LMO3: variants seen among roughly 807,000 people sequenced by gnomAD.
LMO3 encodes LIM domain only protein 3.
In LMO3, 2 loss-of-function variants were observed where a neutral mutation model predicts 15.8. The observed-to-expected ratio is 0.13, with a 90% CI of 0.05 to 0.40. The LOEUF is 0.40. Ranked by LOEUF, LMO3 falls within the 10% of genes least tolerant of loss-of-function variation. LMO3 has a pLI of 0.99. For missense variants in LMO3, 86 were observed against 182.2 expected (o/e 0.47, Z 3.04); for synonymous variants, 62 against 63.8 (o/e 0.97, Z 0.13).
chr12:16,557,560 T>C (rs1942239227), intron 3 of LMO3, among the ~76,000 whole-genome samples: 1 of 152,090 alleles, frequency 6.6e-6, no homozygotes, highest in Non-Finnish European at 1.5e-5. Flanking sequence ...TTTAACCAGA[T>C]AGAGATATGA....
rs1037384683 is a variant in LMO3 at position 16,551,125 on chromosome 12, A to G, written c.*97T>C. 3.9e-5 allele frequency: 31 copies of G among 802,744 alleles called. No homozygotes were observed. The East Asian group carries it at 6.6e-4, about 17-fold the overall frequency. The allele number at this position is 802,744 out of a possible 1,614,324, so 49.7% of individuals were successfully genotyped here. A position where few individuals can be genotyped will look rare whatever the true frequency, so the allele number is the denominator to read the frequency against. On this transcript the variant is annotated 3_prime_UTR_variant, in exon 4 of 4. Coordinates refer to ENST00000537304, the MANE Select transcript of LMO3 (RefSeq NM_018640.5). ...CATCCTGCCTTCCTATATCTACGCTATTCAGTAGGTTCCTGTGTCAATTCT... is the reference window on the plus strand; with the variant it reads ...CATCCTGCCTTCCTATATCTACGCTGTTCAGTAGGTTCCTGTGTCAATTCT...
In LMO3 at chr12:16,606,156, A is replaced by T; in HGVS notation, c.-99T>A. 4.2e-5 allele frequency: 4 copies of T among 95,612 alleles called. No homozygotes were observed. The highest frequency in any genetic ancestry group is 2.0e-4 in the Admixed American group (1 of 4,970). The allele number at this position is 95,612 out of a possible 1,614,324, so 5.9% of individuals were successfully genotyped here. On this transcript the variant is annotated 5_prime_UTR_variant, in exon 1 of 4. The change abolishes an upstream ATG in the 5' untranslated region. Transcript: ENST00000537304. Reference sequence around the variant, plus strand: ...TCCTTGGGAAAGGTCAAAAAGAAGCATTGTTTGAAAAAAAAAAAAAAGACG... The same window carrying T: ...TCCTTGGGAAAGGTCAAAAAGAAGCTTTGTTTGAAAAAAAAAAAAAAGACG...
chr12:16,557,484 T>C (rs1942235896), intron 3 of LMO3, among the ~76,000 whole-genome samples: 1 of 152,046 alleles, frequency 6.6e-6, no homozygotes, highest in Admixed American at 6.6e-5. Context: ...TGGAGATCAT[T>C]AAGCAATGTA....
chr12:16,578,813 G>A (rs562100339), intron 2 of LMO3, among the ~76,000 whole-genome samples: 18 of 139,076 alleles, frequency 1.3e-4, no homozygotes, highest in African/African-American at 4.7e-4. Context: ...GCGAGATTCT[G>A]TCTCAAACAA....
At chr12:16,577,478 C>G (rs1017248370) in intron 2 of LMO3, among the ~76,000 whole-genome samples, 11 of 152,122 alleles carry the variant, frequency 7.2e-5, no homozygotes, top group Admixed American at 6.6e-4. Context: ...ATATATTATT[C>G]TACCCCACTC....
At position 16,551,149 on chromosome 12, in the gene LMO3, C is replaced by T; in HGVS notation, c.*73G>A. The T allele has an allele frequency of 2.0e-6, 2 of 977,742 alleles. No individual in the cohort carries two copies. The highest frequency in any genetic ancestry group is 1.7e-5 in the Admixed American group (1 of 57,634). The allele number at this position is 977,742 out of a possible 1,614,324, so 60.6% of individuals were successfully genotyped here. ...TATTCAGTAGGTTCCTGTGTCAATTCTTATGTACATGTGGAGCAAAAAAGA... is the reference window on the plus strand; with the variant it reads ...TATTCAGTAGGTTCCTGTGTCAATTTTTATGTACATGTGGAGCAAAAAAGA... On this transcript the variant is annotated 3_prime_UTR_variant, in exon 4 of 4. Coordinates refer to ENST00000537304, the MANE Select transcript of LMO3 (RefSeq NM_018640.5).
chr12:16,598,885 CT>C lies in LMO3; in HGVS notation c.206+1769del. 3.6e-6 allele frequency: 1 copy of C among 275,308 alleles called. No individual in the cohort carries two copies. The highest frequency in any genetic ancestry group is 7.5e-6 in the Non-Finnish European group (1 of 133,058). The allele number at this position is 275,308 out of a possible 1,614,324, so 17.1% of individuals were successfully genotyped here. On this transcript the variant is annotated intron_variant, in intron 2 of 3. Transcript: ENST00000537304. This position sits in a 1 kb window ranked among gnomAD's most constrained non-coding sequence, Gnocchi z 4.3. ...CTTTCAAGTTTACTTAATTTTTGTC[CT>C]TTGGTTTATTAAAACACCTTAACAT...
intron 2 of LMO3, among the ~76,000 whole-genome samples, chr12:16,590,711 C>T (rs1163152101): frequency 1.3e-5 from 2 of 152,024 alleles, no homozygotes; most frequent in African/African-American, 2.4e-5. Flanking sequence ...TCAATATAGG[C>T]ATTTCCTTGA....
chr12:16,583,571 G>A (rs753141330), intron 2 of LMO3, among the ~76,000 whole-genome samples: 1 of 152,134 alleles, frequency 6.6e-6, no homozygotes, highest in Non-Finnish European at 1.5e-5. Context: ...CCATAGATGG[G>A]ATAAAAGAAA....
At chr12:16,581,555 A>G (rs1943160052) in intron 2 of LMO3, among the ~76,000 whole-genome samples, 1 of 152,190 alleles carries the variant, frequency 6.6e-6, no homozygotes, top group Non-Finnish European at 1.5e-5. Context: ...TATAGAGTAA[A>G]TCCTCAAGAA....
At chr12:16,608,657 A>G (rs189861854), upstream of LMO3, 1 of 152,070 alleles carries the variant, frequency 6.6e-6, no homozygotes, top group African/African-American at 2.4e-5. This position sits in a 1 kb window ranked among gnomAD's most constrained non-coding sequence, Gnocchi z 4.1. Flanking sequence ...TCTCAATTTT[A>G]CCATTTCCCC....
At chr12:16,592,445 T>G (rs564899168) in intron 2 of LMO3, among the ~76,000 whole-genome samples, 49 of 152,196 alleles carry the variant, frequency 3.2e-4, no homozygotes, top group Admixed American at 1.3e-3. Flanking sequence ...GATATTCACA[T>G]GCAATATTTA....
At position 16,593,437 on chromosome 12, in the gene LMO3, T is replaced by C. The variant is rs540145755; in HGVS notation, c.206+7218A>G. ...GATGATTATTCATCTCAAGTGTGAT[T>C]TCATTTTAAACTTGTAAAGCCCACA... On this transcript the variant is annotated intron_variant, in intron 2 of 3. Coordinates refer to ENST00000537304, the MANE Select transcript of LMO3 (RefSeq NM_018640.5). This position sits in a 1 kb window ranked among gnomAD's most constrained non-coding sequence, Gnocchi z 4.2. Among the ~76,000 whole-genome samples, 3 of 151,942 alleles carry C rather than the reference T, an allele frequency of 2.0e-5. No individual in the cohort carries two copies. The East Asian group carries it at 5.8e-4, about 29-fold the overall frequency.
intron 3 of LMO3, among the ~76,000 whole-genome samples, chr12:16,553,848 T>C (rs1457497349): frequency 6.6e-6 from 1 of 150,770 alleles, no homozygotes; most frequent in African/African-American, 2.4e-5. Context: ...CAACTTCTTA[T>C]GAGATTCAGC....
At position 16,559,308 on chromosome 12, in the gene LMO3, T is replaced by A. The variant is rs1274306176; in HGVS notation, c.332+1105A>T. 6.6e-6 allele frequency among the ~76,000 whole-genome samples: 1 copy of A among 152,164 alleles called. No homozygotes were observed. Among genetic ancestry groups the A allele is most frequent in the East Asian group, 1.9e-4 (1 of 5,200 alleles). On this transcript the variant is annotated intron_variant, in intron 3 of 3. Coordinates refer to ENST00000537304, the MANE Select transcript of LMO3 (RefSeq NM_018640.5). The surrounding 1 kb of genome is among the most constrained non-coding windows in gnomAD (Gnocchi z 4.1). ...AAAACAGGTGCCAGTAGTATATAGT[T>A]TTCACAGAAATAAAAAATATAACTT... is the stretch of plus-strand genomic sequence containing the variant.
Position 16,596,369 on chromosome 12 carries a change from G to C in LMO3, c.206+4286C>G, listed in dbSNP as rs1943657878. Among the ~76,000 whole-genome samples, 1 of 151,462 alleles carries C rather than the reference G, an allele frequency of 6.6e-6. No individual in the cohort carries two copies. The highest frequency in any genetic ancestry group is 1.5e-5 in the Non-Finnish European group (1 of 67,598). Reference sequence around the variant, plus strand: ...TAAATTTTATATAAGACATTTTACAGCTTCTTATATAGGAAAAGCTATAAG... The same window carrying C: ...TAAATTTTATATAAGACATTTTACACCTTCTTATATAGGAAAAGCTATAAG... On this transcript the variant is annotated intron_variant, in intron 2 of 3. Coordinates refer to ENST00000537304, the MANE Select transcript of LMO3 (RefSeq NM_018640.5). This position sits in a 1 kb window ranked among gnomAD's most constrained non-coding sequence, Gnocchi z 4.3.
At chr12:16,592,205 A>T (rs1306265258) in intron 2 of LMO3, among the ~76,000 whole-genome samples, 1 of 152,034 alleles carries the variant, frequency 6.6e-6, no homozygotes, top group Non-Finnish European at 1.5e-5. Flanking sequence ...CAAGTGACTA[A>T]ATGGTTTCAT....
At chr12:16,601,540 T>C (rs1052420664) in intron 1 of LMO3, among the ~76,000 whole-genome samples, 12 of 152,232 alleles carry the variant, frequency 7.9e-5, no homozygotes, top group Non-Finnish European at 7.3e-5. Context: ...AGCACCTATA[T>C]TAATGGCAGA....
rs1284434229 is a variant in LMO3, at chr12:16,598,308, T to C, written c.206+2347A>G. The C allele has an allele frequency of 2.0e-5, 3 of 152,114 alleles. No homozygotes were observed. The highest frequency in any genetic ancestry group is 7.2e-5 in the African/African-American group (3 of 41,448). 9.4% of individuals were successfully genotyped at this position (152,114 alleles called of 1,614,324 possible). A position where few individuals can be genotyped will look rare whatever the true frequency, so the allele number is the denominator to read the frequency against. ...TCACTTCTGCAATTTTAAGTGTTGATGAAGTTGCCAAATAAGTCACATTAT... is the reference window on the plus strand; with the variant it reads ...TCACTTCTGCAATTTTAAGTGTTGACGAAGTTGCCAAATAAGTCACATTAT... On this transcript the variant is annotated intron_variant, in intron 2 of 3. Transcript: ENST00000537304. The surrounding 1 kb of genome is among the most constrained non-coding windows in gnomAD (Gnocchi z 4.3).
Sources: allele counts gnomAD v4.1 joint callset (sites outside exome capture counted in the v4.1 genomes callset), GRCh38; gene constraint gnomAD v4.1.1; non-coding constraint Gnocchi (gnomAD v3.1); transcripts MANE v1.5; gene names NCBI Gene and HGNC (gene_info 2026-07-23, HGNC 2026-07-21).